The following LAMA4 variants were observed in gnomAD, a reference collection of about 807,000 sequenced individuals.
LAMA4 encodes laminin subunit alpha 4.
In LAMA4, 127 loss-of-function variants were observed where a neutral mutation model predicts 207.1. The ratio of observed to expected loss-of-function variants is 0.61; its 90% CI spans 0.53 to 0.71. The LOEUF is 0.71. Among genes scored for constraint, LAMA4 ranks in the 30% least tolerant of loss-of-function variants. The pLI is 0.00. For missense variants in LAMA4, 2,093 were observed against 2,246.5 expected (o/e 0.93, Z 1.38); for synonymous variants, 761 against 816.0 (o/e 0.93, Z 1.15).
At chr6:112,238,644 T>C (rs1178583334) in intron 2 of LAMA4, among the ~76,000 whole-genome samples, 5 of 150,794 alleles carry the variant, frequency 3.3e-5, no homozygotes, top group Non-Finnish European at 5.9e-5. Context: ...GAGGCAGAGA[T>C]TGCAGTGAGC....
intron 10 of LAMA4, among the ~76,000 whole-genome samples, chr6:112,177,123 A>G (rs1782069302): frequency 6.6e-6 from 1 of 152,252 alleles, no homozygotes; most frequent in Non-Finnish European, 1.5e-5. Flanking sequence ...GCTATAGAAA[A>G]AGAATATTTT....
At chr6:112,221,725 T>C (rs1784936544) in intron 2 of LAMA4, among the ~76,000 whole-genome samples, 2 of 151,530 alleles carry the variant, frequency 1.3e-5, no homozygotes, top group Non-Finnish European at 2.9e-5. Flanking sequence ...CTGTGTGCCC[T>C]TACTTAAGAG....
rs1583807370 is a variant in LAMA4 at position 112,178,109 on chromosome 6, G to T, written c.1189+12C>A. The T allele has an allele frequency of 6.4e-7, 1 of 1,554,570 alleles. No individual in the cohort carries two copies. The highest frequency in any genetic ancestry group is 8.9e-7 in the Non-Finnish European group (1 of 1,125,708). ...CTTGATATTAAACTGAACCAGAAGAGAATATATTTACCTTGGATTTTATCC... is the reference window on the plus strand; with the variant it reads ...CTTGATATTAAACTGAACCAGAAGATAATATATTTACCTTGGATTTTATCC... On this transcript the variant is annotated intron_variant, in intron 10 of 38. Transcript: ENST00000230538.
Position 112,172,617 on chromosome 6 carries a change from G to A in LAMA4, c.1545C>T (p.Asp515=), listed in dbSNP as rs782734438. ...TGGTGAGTGTCCGCTGTACCTCATG[G>A]TCCCGCTGCCTGGCTGCTGTGGCCC... ...MNRATAARQR[D]HEKQQERVRE... is the part of the protein sequence containing the mutation. The change falls in exon 12 of 39, where the codon GAC becomes GAT. Residue 515 remains aspartate, a synonymous_variant. Transcript: ENST00000230538. 3 of 1,612,646 alleles carry A rather than the reference G, an allele frequency of 1.9e-6. No homozygotes were observed. Among genetic ancestry groups the A allele is most frequent in the Admixed American group, 1.7e-5 (1 of 60,014 alleles).
intron 31 of LAMA4, among the ~76,000 whole-genome samples, chr6:112,125,459 G>C (rs536014961): frequency 6.6e-6 from 1 of 152,328 alleles, no homozygotes; most frequent in South Asian, 2.1e-4. Flanking sequence ...TCAGTTCTTA[G>C]AGAAGAGAGT....
At chr6:112,176,727 T>A (rs1442013597) in intron 10 of LAMA4, among the ~76,000 whole-genome samples, 1 of 152,246 alleles carries the variant, frequency 6.6e-6, no homozygotes, top group African/African-American at 2.4e-5. Flanking sequence ...TGGCCTGTTT[T>A]AGTTTAGCTA....
chr6:112,189,762 A>T (rs1213810103), intron 6 of LAMA4, among the ~76,000 whole-genome samples: 1 of 152,222 alleles, frequency 6.6e-6, no homozygotes, highest in Non-Finnish European at 1.5e-5. Context: ...GAGTGCAATA[A>T]GAATAATGTG....
At chr6:112,167,428 G>A (rs1407141987) in intron 12 of LAMA4, among the ~76,000 whole-genome samples, 1 of 152,120 alleles carries the variant, frequency 6.6e-6, no homozygotes, top group Non-Finnish European at 1.5e-5. Flanking sequence ...ACCCACTTAA[G>A]TTTGTTTTCT....
intron 22 of LAMA4, 138 bp downstream of exon 22, chr6:112,140,622 C>T: frequency 1.3e-6 from 1 of 766,630 alleles, no homozygotes; most frequent in Non-Finnish European, 2.2e-6. Flanking sequence ...TTTATAGATT[C>T]TGGTTCAGAA....
intron 4 of LAMA4, among the ~76,000 whole-genome samples, chr6:112,203,631 C>T (rs2115011048): frequency 6.6e-6 from 1 of 152,260 alleles, no homozygotes; most frequent in Admixed American, 6.5e-5. Flanking sequence ...ATGAACCCCT[C>T]CTCTCCTTTT....
chr6:112,141,578 C>G, intron 20 of LAMA4, 75 bp from the exon 21 acceptor site: 1 of 1,212,972 alleles, frequency 8.2e-7, no homozygotes, highest in Non-Finnish European at 1.2e-6. Flanking sequence ...AAAGGACAAT[C>G]AGAAATCCAA....
intron 2 of LAMA4, chr6:112,218,286 A>G (rs1273123718): frequency 6.6e-6 from 1 of 151,832 alleles, no homozygotes; most frequent in Non-Finnish European, 1.5e-5. Context: ...TGATTCAGTG[A>G]AACCAAAGGA....
intron 2 of LAMA4, among the ~76,000 whole-genome samples, chr6:112,232,947 C>T (rs1785657622): frequency 1.3e-5 from 2 of 152,110 alleles, no homozygotes; most frequent in Non-Finnish European, 2.9e-5. Flanking sequence ...TCCAAGGAAA[C>T]AAAATACCAT....
chr6:112,197,965 A>T (rs1271816253), intron 5 of LAMA4, among the ~76,000 whole-genome samples: 1 of 152,210 alleles, frequency 6.6e-6, no homozygotes, highest in African/African-American at 2.4e-5. Flanking sequence ...TTATTATTAA[A>T]ATTAAACATA....
At chr6:112,158,462 T>C (rs1303263935) in intron 14 of LAMA4, 2 of 452,888 alleles carry the variant, frequency 4.4e-6, no homozygotes, top group Non-Finnish European at 8.0e-6. Context: ...AGACCTTTAA[T>C]ATGACAGATT....
At position 112,189,145 on chromosome 6, in the gene LAMA4, A is replaced by G. The variant is rs782752518; in HGVS notation, c.779T>C (p.Phe260Ser). 3 of 1,614,082 alleles carry G rather than the reference A, an allele frequency of 1.9e-6. No individual in the cohort carries two copies. The South Asian group carries it at 3.3e-5, about 18-fold the overall frequency. The change falls in exon 7 of 39, where the codon TTT (phenylalanine) becomes TCT (serine). Residue 260 changes from phenylalanine to serine, a missense_variant. Around this residue, in one of 3 missense-constraint regions of LAMA4, gnomAD observed 1,704 missense variants for 1,788.4 expected, o/e 0.95. Transcript: ENST00000230538. ...GCAGTCCATGCCTGTAGGGGGTTCA[A>G]AACCTTCTTCCAAGCATTCTCCGGT... ...SVTGECLEEG[F>S]EPPTGMDCPT...
At chr6:112,124,201 C>T (rs897773669) in intron 31 of LAMA4, among the ~76,000 whole-genome samples, 1 of 152,186 alleles carries the variant, frequency 6.6e-6, no homozygotes, top group Non-Finnish European at 1.5e-5. Context: ...TTCCCCAACT[C>T]TGGCTGCTTC....
In LAMA4 at chr6:112,119,301, A is replaced by G. The variant is rs782575282; in HGVS notation, c.4676T>C (p.Ile1559Thr). 1.4e-5 allele frequency: 23 copies of G among 1,613,904 alleles called. No homozygotes were observed. In the South Asian group the frequency reaches 2.4e-4, roughly 17 times the overall value. Residue 1559 changes from isoleucine to threonine, a missense_variant, in exon 34 of 39, where the codon ATT becomes ACT. Ile to Thr is a moderately conservative substitution (Grantham distance 89). This residue lies in a region of LAMA4 where 383 missense variants were observed against 437.8 expected (regional missense o/e 0.87). Coordinates refer to ENST00000230538, the MANE Select transcript of LAMA4 (RefSeq NM_001105206.3). Reference protein sequence around the residue: ...NDGLWHDVIFIRERSSGRLVI... With the variant: ...NDGLWHDVIFTRERSSGRLVI... The stretch of plus-strand genomic sequence containing the variant: ...CAGTCGGCCACTGCTCCTTTCTCGA[A>G]TAAATATCACCTGGATGAAGAGAAG...
Position 112,120,285 on chromosome 6 carries a change from C to G in LAMA4, c.4663G>C (p.Asp1555His). 6.2e-7 allele frequency: 1 copy of G among 1,613,244 alleles called. No homozygotes were observed. Residue 1555 changes from aspartate (D) to histidine (H), a missense_variant and splice_region_variant, in exon 33 of 39, where the codon GAT becomes CAT. Asp to His is a moderately conservative substitution (Grantham distance 81). This residue lies in a region of LAMA4 where 383 missense variants were observed against 437.8 expected (regional missense o/e 0.87). Transcript: ENST00000230538. ...QEKYNDGLWH[D>H]VIFIRERSSG... is the part of the protein sequence containing the mutation. ...GCTGTTCTCTGCCTTCAACTTACAT[C>G]ATGCCACAGGCCATCATTGTATTTC...
Sources: allele counts gnomAD v4.1 joint callset (sites outside exome capture counted in the v4.1 genomes callset), GRCh38; gene constraint gnomAD v4.1.1; regional missense constraint gnomAD v4.1.1; transcripts MANE v1.5; gene names NCBI Gene and HGNC (gene_info 2026-07-23, HGNC 2026-07-21).